The following HADHA variants were observed in gnomAD, a reference collection of about 807,000 sequenced individuals.
The protein encoded by HADHA is hydroxyacyl-CoA dehydrogenase trifunctional multienzyme complex subunit alpha, also known as trifunctional enzyme subunit alpha, mitochondrial.
HADHA carries 59 observed loss-of-function variants against 91.3 expected under a neutral mutation model. That is an observed-to-expected ratio of 0.65 (90% CI 0.52 to 0.80). The LOEUF (loss-of-function observed/expected upper bound fraction) is 0.80, where lower values mean the gene tolerates loss of function less well. HADHA is among the 30% of genes least tolerant of loss of function. The pLI, the probability that HADHA is intolerant of heterozygous loss-of-function variation, is 0.00. For synonymous variants in HADHA, 320 were observed against 338.9 expected, an observed-to-expected ratio of 0.94 and a Z score of 0.61; for missense variants, 800 against 927.6, an observed-to-expected ratio of 0.86 and a Z score of 1.79.
chr2:26,232,303 A>G, intron 5 of HADHA, 24 bp from the exon 6 acceptor site: 1 of 1,564,376 alleles, frequency 6.4e-7, no homozygotes, highest in Non-Finnish European at 8.8e-7. Flanking sequence ...AAAGAAAATT[A>G]GAATGTTAGA....
chr2:26,222,370 AAACT>A (rs1670394618), intron 7 of HADHA, among the ~76,000 whole-genome samples: 1 of 152,192 alleles, frequency 6.6e-6, no homozygotes, highest in South Asian at 2.1e-4. Context: ...CAGCCCTAGC[AAACT>A]AATATACAAG....
At chr2:26,212,473 C>T in intron 10 of HADHA, 97 bp downstream of exon 10, 1 of 880,522 alleles carries the variant, frequency 1.1e-6, no homozygotes, top group Admixed American at 1.8e-5. Context: ...TTTTACTAGG[C>T]TTTGGATATT....
In HADHA at chr2:26,191,269, T is replaced by C. The variant is rs1164215761; in HGVS notation, c.2273A>G (p.Asn758Ser). Residue 758 changes from asparagine to serine, a missense_variant, in exon 20 of 20, where the codon AAC becomes AGC. By Grantham distance (46) the Asn-to-Ser change is conservative (BLOSUM62 1). Transcript: ENST00000380649. ...QLLADHANSP[N>S]KKFYQ ...GCCTGCTCACTGGTAGAACTTCTTG[T>C]TAGGGCTGTTAGCATGGTCAGCTAG... 1 of 1,612,734 alleles carries C rather than the reference T, an allele frequency of 6.2e-7. No homozygotes were observed. Among genetic ancestry groups the C allele is most frequent in the Non-Finnish European group, 8.5e-7 (1 of 1,180,016 alleles).
At position 26,238,964 on chromosome 2, in the gene HADHA, T is replaced by G; in HGVS notation, c.150A>C (p.Ala50=). The G allele has an allele frequency of 1.2e-6, 2 of 1,609,390 alleles. No homozygotes were observed. The highest frequency in any genetic ancestry group is 1.7e-6 in the Non-Finnish European group (2 of 1,176,512). Residue 50 remains alanine (A), a synonymous_variant, in exon 3 of 20, where the codon GCA becomes GCC. Transcript: ENST00000380649. ...AATTGGGAGAGTTAATTCGAACAAC[T>G]GCCACATCCCCTTTGACTCCATAGT... ...HINYGVKGDV[A]VVRINSPNSK...
At chr2:26,219,854 G>C (rs1397022742) in intron 7 of HADHA, among the ~76,000 whole-genome samples, 1 of 152,198 alleles carries the variant, frequency 6.6e-6, no homozygotes, top group Admixed American at 6.5e-5. Context: ...ATCTGTATAA[G>C]CAGAAGAATT....
chr2:26,197,998 T>TATGGC (rs1171155073), intron 13 of HADHA, among the ~76,000 whole-genome samples: 3 of 152,182 alleles, frequency 2.0e-5, no homozygotes, highest in Non-Finnish European at 2.9e-5. Flanking sequence ...TTCCTCTAGT[T>TATGGC]ATGGCCCATC....
At chr2:26,205,220 T>A (rs556643649) in intron 11 of HADHA, among the ~76,000 whole-genome samples, 2 of 152,240 alleles carry the variant, frequency 1.3e-5, no homozygotes, top group South Asian at 2.1e-4. Context: ...CTAAGAAAAA[T>A]TTTTAAAGAA....
intron 15 of HADHA, 134 bp downstream of exon 15, chr2:26,194,958 T>G: frequency 1.2e-6 from 1 of 856,240 alleles, no homozygotes; most frequent in Non-Finnish European, 2.0e-6. Context: ...CCGTCCATCC[T>G]GGAGACAACC....
chr2:26,233,919 A>G (rs1012061265), intron 5 of HADHA, among the ~76,000 whole-genome samples: 4 of 152,128 alleles, frequency 2.6e-5, no homozygotes, highest in Non-Finnish European at 2.9e-5. Flanking sequence ...CATCTCTACT[A>G]AAAATACAAA....
chr2:26,233,226 T>C (rs1293765164), intron 5 of HADHA, among the ~76,000 whole-genome samples: 2 of 152,314 alleles, frequency 1.3e-5, no homozygotes, highest in East Asian at 3.9e-4. Flanking sequence ...GGGACCCCTG[T>C]CCTAAGGGGC....
chr2:26,217,745 A>AT (rs908150452), intron 7 of HADHA, among the ~76,000 whole-genome samples: 3 of 150,590 alleles, frequency 2.0e-5, no homozygotes, highest in East Asian at 3.9e-4. Context: ...TACAAAAAGA[A>AT]TTTTTTTTTT....
At chr2:26,227,664 G>A (rs1388330738) in intron 7 of HADHA, among the ~76,000 whole-genome samples, 1 of 152,108 alleles carries the variant, frequency 6.6e-6, no homozygotes, top group Non-Finnish European at 1.5e-5. Flanking sequence ...AAAACAGTCT[G>A]ACAGAAAAGC....
chr2:26,202,602 A>G (rs886538689), intron 12 of HADHA, among the ~76,000 whole-genome samples: 3 of 152,308 alleles, frequency 2.0e-5, no homozygotes, highest in African/African-American at 7.2e-5. Context: ...TCAGCTGTGC[A>G]TGGTGGCGCA....
rs754912288 is a variant in HADHA at position 26,194,636 on chromosome 2, A to G, written c.1623T>C (p.Asp541=). 3.1e-6 allele frequency: 5 copies of G among 1,605,558 alleles called. No homozygotes were observed. Among genetic ancestry groups the G allele is most frequent in the Non-Finnish European group, 4.3e-6 (5 of 1,172,780 alleles). The change falls in exon 16 of 20, where the codon GAT becomes GAC. Residue 541 remains aspartate, a splice_region_variant and synonymous_variant. Transcript: ENST00000380649. ...ACCTGGTAGTATAGAAGCCAGGTCC[A>G]TCCTGCCAAGGAAGAGAACATGAGC... The part of the protein sequence containing the change: ...KQGKVIIVVK[D]GPGFYTTRCL...
chr2:26,193,908 G>A, intron 16 of HADHA, 136 bp from the exon 17 acceptor site: 2 of 692,942 alleles, frequency 2.9e-6, no homozygotes, highest in East Asian at 5.3e-5. Flanking sequence ...CAGGACTGGT[G>A]CTATTTCATT....
At chr2:26,199,293 A>G (rs1669768570) in intron 13 of HADHA, 3 of 152,596 alleles carry the variant, frequency 2.0e-5, no homozygotes, top group South Asian at 4.1e-4. Flanking sequence ...GCTTGAGCCC[A>G]GGAGTTCAAG....
At chr2:26,232,777 C>A (rs1164169828) in intron 5 of HADHA, among the ~76,000 whole-genome samples, 5 of 152,138 alleles carry the variant, frequency 3.3e-5, no homozygotes, top group Admixed American at 3.3e-4. Flanking sequence ...GGGATATGTT[C>A]TGAGAAATGT....
chr2:26,219,992 T>G (rs2147773374), intron 7 of HADHA, among the ~76,000 whole-genome samples: 1 of 152,316 alleles, frequency 6.6e-6, no homozygotes, highest in Non-Finnish European at 1.5e-5. Context: ...TGTGTCCTCT[T>G]GAGGAGACTT....
rs997033672 is a variant in HADHA, at chr2:26,204,042, AAGAG to A, written c.1220+16_1220+19del. ...AACAAAGGACATTCTAACTCTTGCAAAGAGAGAGAGCAGGCTTACCCTTTGAACA... is the reference window on the plus strand; with the variant it reads ...AACAAAGGACATTCTAACTCTTGCAAAGAGAGCAGGCTTACCCTTTGAACA... On this transcript the variant is annotated intron_variant, in intron 12 of 19. Coordinates refer to ENST00000380649, the MANE Select transcript of HADHA (RefSeq NM_000182.5). The A allele has an allele frequency of 6.2e-7, 1 of 1,612,570 alleles. No homozygotes were observed. The highest frequency in any genetic ancestry group is 1.3e-5 in the African/African-American group (1 of 74,890).
Sources: allele counts gnomAD v4.1 joint callset (sites outside exome capture counted in the v4.1 genomes callset), GRCh38; gene constraint gnomAD v4.1.1; transcripts MANE v1.5; gene names NCBI Gene and HGNC (gene_info 2026-07-23, HGNC 2026-07-21).